The following KCNMB3 variants were observed in gnomAD, a reference collection of about 807,000 sequenced individuals.
The protein encoded by KCNMB3 is calcium-activated potassium channel subunit beta-3.
Under a neutral mutation model 11.9 loss-of-function variants are expected in KCNMB3, and 18 were observed. The observed-to-expected ratio is 1.51, with a 90% CI of 1.04 to 2.23. KCNMB3 has a LOEUF of 2.23. Among genes scored for constraint, KCNMB3 ranks in the 30% most tolerant of loss-of-function variants. The pLI is 0.00. For missense variants in KCNMB3, 247 were observed against 329.4 expected (o/e 0.75, Z 1.94); for synonymous variants, 78 against 119.2 (o/e 0.65, Z 2.25).
intron 1 of KCNMB3, chr3:179,259,594 A>C (rs935488237): frequency 2.3e-5 from 37 of 1,608,240 alleles, no homozygotes; most frequent in Non-Finnish European, 3.0e-5. Context: ...TCCACTGCTG[A>C]CTTTCTGTCA....
At chr3:179,245,803 T>C (rs1033015707) in intron 1 of KCNMB3, among the ~76,000 whole-genome samples, 58 of 152,208 alleles carry the variant, frequency 3.8e-4, no homozygotes, top group Admixed American at 3.3e-3. Flanking sequence ...CTGGTCTGAA[T>C]TAAATTTTAC....
chr3:179,245,975 G>A (rs975204398), intron 1 of KCNMB3, among the ~76,000 whole-genome samples: 3 of 152,216 alleles, frequency 2.0e-5, no homozygotes, highest in East Asian at 1.9e-4. Flanking sequence ...CAAAGTAAAC[G>A]AGGGGAAGAG....
chr3:179,245,919 A>G (rs1389802072), intron 1 of KCNMB3, among the ~76,000 whole-genome samples: 1 of 152,260 alleles, frequency 6.6e-6, no homozygotes, highest in African/African-American at 2.4e-5. Context: ...GTTGAAGAGA[A>G]AGGACATGTG....
chr3:179,244,599 C>T lies in KCNMB3; in HGVS notation c.343G>A (p.Gly115Ser). The change falls in exon 2 of 3, where the codon GGT (glycine) becomes AGT (serine). Residue 115 changes from glycine (G) to serine (S), a missense_variant. This residue lies in a region of KCNMB3 where 160 missense variants were observed against 157.5 expected (regional missense o/e 1.02). Coordinates refer to ENST00000392685, the MANE Select transcript of KCNMB3 (RefSeq NM_171830.2). ...TGAAGACACGGGTACTTCCCCTGAC[C>T]GTGGCAGTGCACACCACAGGTGAAG... ...CAFTCGVHCH[G>S]QGKYPCLQVF... 7.4e-6 allele frequency: 12 copies of T among 1,614,072 alleles called. No individual in the cohort carries two copies. The highest frequency in any genetic ancestry group is 1.1e-5 in the South Asian group (1 of 91,074).
At chr3:179,259,884 C>T in intron 1 of KCNMB3, 5 of 1,613,536 alleles carry the variant, frequency 3.1e-6, no homozygotes, top group Non-Finnish European at 4.2e-6. Flanking sequence ...TGCTGGAGAA[C>T]CAGGAACTTC....
chr3:179,260,382 T>C (rs1726164828), intron 1 of KCNMB3: 1 of 1,613,920 alleles, frequency 6.2e-7, no homozygotes, highest in African/African-American at 1.3e-5. Context: ...TGGGGCAGTG[T>C]CTTCAGAGGA....
At chr3:179,246,106 A>AT (rs1478693879) in intron 1 of KCNMB3, among the ~76,000 whole-genome samples, 2 of 152,210 alleles carry the variant, frequency 1.3e-5, no homozygotes, top group African/African-American at 2.4e-5. Flanking sequence ...AGCAAGCTCT[A>AT]AAGTCAGAAT....
chr3:179,263,852 C>A (rs1726300489), intron 1 of KCNMB3, among the ~76,000 whole-genome samples: 1 of 116,724 alleles, frequency 8.6e-6, no homozygotes, highest in African/African-American at 3.3e-5. Context: ...GTCATCCAGG[C>A]TGCAGTGCAG....
upstream of KCNMB3, among the ~76,000 whole-genome samples, chr3:179,254,946 C>A (rs944174007): frequency 6.6e-6 from 1 of 152,138 alleles, no homozygotes; most frequent in African/African-American, 2.4e-5. Flanking sequence ...AGGTGGATCA[C>A]CTGAGGTCAG....
chr3:179,266,924 G>C, exon 1 of KCNMB3: 1 of 1,409,812 alleles, frequency 7.1e-7, no homozygotes, highest in Non-Finnish European at 9.2e-7. Context: ...CTGGCAAGGC[G>C]GAGCGGTCAG....
At chr3:179,252,825 G>T (rs978665816), upstream of KCNMB3, among the ~76,000 whole-genome samples, 2 of 149,676 alleles carry the variant, frequency 1.3e-5, no homozygotes, top group African/African-American at 5.0e-5. Context: ...TCCGTCTCCC[G>T]GGTTCAAGCC....
downstream of KCNMB3, chr3:179,241,247 T>C (rs896313107): frequency 6.6e-6 from 1 of 152,118 alleles, no homozygotes; most frequent in African/African-American, 2.4e-5. Flanking sequence ...AAATAACAAC[T>C]GCGTGAAAGA....
intron 1 of KCNMB3, among the ~76,000 whole-genome samples, chr3:179,266,059 G>A (rs1726362500): frequency 6.6e-6 from 1 of 152,196 alleles, no homozygotes; most frequent in Non-Finnish European, 1.5e-5. Flanking sequence ...GAGAGGATGT[G>A]GTATACTGTG....
downstream of KCNMB3, chr3:179,241,549 C>G (rs1725459012): frequency 6.5e-6 from 1 of 153,482 alleles, no homozygotes; most frequent in African/African-American, 2.4e-5. Context: ...AAAGTAGCTT[C>G]AAATGTCTCA....
At chr3:179,259,724 C>A (rs1726141547) in intron 1 of KCNMB3, 6 of 1,592,094 alleles carry the variant, frequency 3.8e-6, no homozygotes, top group Non-Finnish European at 5.1e-6. Context: ...TCTTCTTTTT[C>A]TTTTTCTTGT....
upstream of KCNMB3, among the ~76,000 whole-genome samples, chr3:179,253,258 A>G (rs1405215611): frequency 1.3e-5 from 2 of 152,194 alleles, no homozygotes; most frequent in Non-Finnish European, 2.9e-5. Flanking sequence ...CGCTCTTCTA[A>G]TGCATCTCTA....
chr3:179,265,913 T>C (rs954125989), intron 1 of KCNMB3, among the ~76,000 whole-genome samples: 4 of 152,190 alleles, frequency 2.6e-5, no homozygotes, highest in Non-Finnish European at 4.4e-5. Context: ...TTCATTTCCC[T>C]GGGGAGAAAA....
chr3:179,239,869 A>G (rs1725405539), downstream of KCNMB3: 1 of 561,682 alleles, frequency 1.8e-6, no homozygotes, highest in East Asian at 3.1e-5. Context: ...ATGGCCCAGA[A>G]AGCATTTGAC....
chr3:179,266,758 C>T (rs758075985), exon 1 of KCNMB3: 52 of 1,608,516 alleles, frequency 3.2e-5, no homozygotes, highest in Non-Finnish European at 4.0e-5. Flanking sequence ...GAGTCATGCC[C>T]CTGCGGGCGC....
Sources: allele counts gnomAD v4.1 joint callset (sites outside exome capture counted in the v4.1 genomes callset), GRCh38; gene constraint gnomAD v4.1.1; regional missense constraint gnomAD v4.1.1; transcripts MANE v1.5; gene names NCBI Gene and HGNC (gene_info 2026-07-23, HGNC 2026-07-21).